Variants in IER3IP1 observed in about 807,000 individuals in gnomAD.
IER3IP1 encodes immediate early response 3-interacting protein 1.
IER3IP1 carries 16 observed loss-of-function variants against 12.2 expected under a neutral mutation model. The ratio of observed to expected loss-of-function variants is 1.31; its 90% CI spans 0.89 to 1.99. IER3IP1 has a LOEUF of 1.99. Among genes scored for constraint, IER3IP1 ranks in the 30% most tolerant of loss-of-function variants. IER3IP1 has a pLI of 0.00. For synonymous variants in IER3IP1, 42 were observed against 40.0 expected (o/e 1.05, Z -0.19); for missense variants, 95 against 95.8 (o/e 0.99, Z 0.03).
At chr18:47,169,095 A>G (rs894696931) in intron 1 of IER3IP1, among the ~76,000 whole-genome samples, 1 of 152,218 alleles carries the variant, frequency 6.6e-6, no homozygotes, top group African/African-American at 2.4e-5. Context: ...GCCCTCCAGC[A>G]CCAAGCAACC....
chr18:47,165,660 T>C (rs1057211078), intron 1 of IER3IP1, among the ~76,000 whole-genome samples: 1 of 152,258 alleles, frequency 6.6e-6, no homozygotes, highest in African/African-American at 2.4e-5. Flanking sequence ...ACAAAAGCTT[T>C]TTAAAATTCA....
At chr18:47,161,604 CCCT>C (rs1477731558) in intron 1 of IER3IP1, among the ~76,000 whole-genome samples, 1 of 152,110 alleles carries the variant, frequency 6.6e-6, no homozygotes, top group Non-Finnish European at 1.5e-5. Flanking sequence ...TCCTACCACA[CCCT>C]TCCAAGTATT....
intron 1 of IER3IP1, among the ~76,000 whole-genome samples, chr18:47,170,623 T>C (rs1347432479): frequency 6.6e-6 from 1 of 152,134 alleles, no homozygotes; most frequent in African/African-American, 2.4e-5. Context: ...GTTAAATTTA[T>C]TCCTAAGTAT....
Position 47,155,920 on chromosome 18 carries a change from C to G in IER3IP1, c.*257G>C, listed in dbSNP as rs2063957082. 2.7e-6 allele frequency: 1 copy of G among 372,590 alleles called. No individual in the cohort carries two copies. Among genetic ancestry groups the G allele is most frequent in the Admixed American group, 4.4e-5 (1 of 22,750 alleles). The allele number at this position is 372,590 out of a possible 1,614,324, so 23.1% of individuals were successfully genotyped here. A position where few individuals can be genotyped will look rare whatever the true frequency, so the allele number is the denominator to read the frequency against. On this transcript the variant is annotated 3_prime_UTR_variant, in exon 3 of 3. Coordinates refer to ENST00000256433, the MANE Select transcript of IER3IP1 (RefSeq NM_016097.5). ...TTTAACAATCTCACCACAGCATGAA[C>G]TACTATTAACACTGAGCAATCAGAT... is the stretch of plus-strand genomic sequence containing the variant.
chr18:47,159,188 G>T (rs1342279799), intron 1 of IER3IP1, among the ~76,000 whole-genome samples: 4 of 152,126 alleles, frequency 2.6e-5, no homozygotes, highest in African/African-American at 9.7e-5. Flanking sequence ...TTATCACTAT[G>T]GTTAGTAAGT....
At chr18:47,174,668 CAAA>C (rs1293825170) in intron 1 of IER3IP1, among the ~76,000 whole-genome samples, 1 of 128,634 alleles carries the variant, frequency 7.8e-6, no homozygotes, top group Admixed American at 7.9e-5. Context: ...GACTCCGTCT[CAAA>C]AAAAAAAAAA....
At chr18:47,158,698 C>A (rs981274275) in intron 1 of IER3IP1, among the ~76,000 whole-genome samples, 1 of 151,904 alleles carries the variant, frequency 6.6e-6, no homozygotes, top group African/African-American at 2.4e-5. Context: ...TGGTGACTCA[C>A]GCCTATAATT....
chr18:47,167,243 G>A lies in IER3IP1; in HGVS notation c.91+8944C>T, dbSNP rs111590891. Among the ~76,000 whole-genome samples, 959 of 152,176 alleles carry A rather than the reference G, an allele frequency of 6.3e-3. 12 individuals carry two copies. Among genetic ancestry groups the A allele is most frequent in the African/African-American group, 0.022 (927 of 41,502 alleles). ...ATTTTTGTACTTGAGGAGAGACAGGGTTTCACCATGTTGGCCAGGCTGGTC... is the reference window on the plus strand; with the variant it reads ...ATTTTTGTACTTGAGGAGAGACAGGATTTCACCATGTTGGCCAGGCTGGTC... On this transcript the variant is annotated intron_variant, in intron 1 of 2. Transcript: ENST00000256433.
At chr18:47,167,384 A>T (rs1426541785) in intron 1 of IER3IP1, among the ~76,000 whole-genome samples, 2 of 152,192 alleles carry the variant, frequency 1.3e-5, no homozygotes. Flanking sequence ...TAAGGGCACA[A>T]ATCTCAATCA....
chr18:47,156,085 A>G lies in IER3IP1; in HGVS notation c.*92T>C. Reference sequence around the variant, plus strand: ...TTACATTTTTGACAAGTGCAAGGTCAGCCAGCTAAGATATAAATATTCCAA... The same window carrying G: ...TTACATTTTTGACAAGTGCAAGGTCGGCCAGCTAAGATATAAATATTCCAA... On this transcript the variant is annotated 3_prime_UTR_variant, in exon 3 of 3. Coordinates refer to ENST00000256433, the MANE Select transcript of IER3IP1 (RefSeq NM_016097.5). 1.2e-6 allele frequency: 1 copy of G among 829,882 alleles called. No homozygotes were observed. The highest frequency in any genetic ancestry group is 1.5e-5 in the South Asian group (1 of 68,818). The allele number at this position is 829,882 out of a possible 1,614,324, so 51.4% of individuals were successfully genotyped here.
rs1318656044 is a variant in IER3IP1 at position 47,153,415 on chromosome 18, CTTTT to C, written c.*2758_*2761del. 5 of 137,836 alleles carry C rather than the reference CTTTT, an allele frequency of 3.6e-5. No homozygotes were observed. Among genetic ancestry groups the C allele is most frequent in the Non-Finnish European group, 7.9e-5 (5 of 63,452 alleles). 8.5% of individuals were successfully genotyped at this position (137,836 alleles called of 1,614,324 possible). A position where few individuals can be genotyped will look rare whatever the true frequency, so the allele number is the denominator to read the frequency against. ...GGGATTTTATTTTTTTATATTTTTA[CTTTT>C]TTAACTTTTAGGGGTACAGTACATT... On this transcript the variant is annotated 3_prime_UTR_variant, in exon 3 of 3. Coordinates refer to ENST00000256433, the MANE Select transcript of IER3IP1 (RefSeq NM_016097.5).
Position 47,157,091 on chromosome 18 carries a change from T to C in IER3IP1, c.193+345A>G, listed in dbSNP as rs182336970. On this transcript the variant is annotated intron_variant, in intron 2 of 2. Coordinates refer to ENST00000256433, the MANE Select transcript of IER3IP1 (RefSeq NM_016097.5). ...ACAGGAGTAAACCAACACGCCCAGCTTTCTCTTGGAAACCTCCCAATACTG... is the reference window on the plus strand; with the variant it reads ...ACAGGAGTAAACCAACACGCCCAGCCTTCTCTTGGAAACCTCCCAATACTG... 8.1e-5 allele frequency: 19 copies of C among 234,946 alleles called. No homozygotes were observed. In the East Asian group the frequency reaches 2.0e-3, roughly 25 times the overall value. 14.6% of individuals were successfully genotyped at this position (234,946 alleles called of 1,614,324 possible).
intron 1 of IER3IP1, among the ~76,000 whole-genome samples, chr18:47,159,943 C>T (rs2063974549): frequency 6.6e-6 from 1 of 152,114 alleles, no homozygotes. Flanking sequence ...CACCTATAAT[C>T]CCAGCACTTT....
rs1470721190 is a variant in IER3IP1 at position 47,155,323 on chromosome 18, T to A, written c.*854A>T. 1 of 152,044 alleles carries A rather than the reference T, an allele frequency of 6.6e-6. No homozygotes were observed. The highest frequency in any genetic ancestry group is 1.5e-5 in the Non-Finnish European group (1 of 67,992). The allele number at this position is 152,044 out of a possible 1,614,324, so 9.4% of individuals were successfully genotyped here. On this transcript the variant is annotated 3_prime_UTR_variant, in exon 3 of 3. Coordinates refer to ENST00000256433, the MANE Select transcript of IER3IP1 (RefSeq NM_016097.5). ...GTGCTGCTCCACCAAGAAATAGAAA[T>A]GTAATGATTTTTTGAAAGGTAAATG...
At position 47,167,288 on chromosome 18, in the gene IER3IP1, T is replaced by C. The variant is rs191971901; in HGVS notation, c.91+8899A>G. On this transcript the variant is annotated intron_variant, in intron 1 of 2. Coordinates refer to ENST00000256433, the MANE Select transcript of IER3IP1 (RefSeq NM_016097.5). ...CTGGTCTCGAACTCCTGACCTCAGA[T>C]GATCTGCCCGCCTCAGCCTCCCAAA... 3.3e-5 allele frequency among the ~76,000 whole-genome samples: 5 copies of C among 152,234 alleles called. No homozygotes were observed. In the East Asian group the frequency reaches 7.7e-4, roughly 24 times the overall value.
chr18:47,155,118 T>C lies in IER3IP1; in HGVS notation c.*1059A>G, dbSNP rs2063953622. ...GCCATTCTACACCTTTAAAATATTGTAACTGATAATTTCCATAAAAACCAT... is the reference window on the plus strand; with the variant it reads ...GCCATTCTACACCTTTAAAATATTGCAACTGATAATTTCCATAAAAACCAT... On this transcript the variant is annotated 3_prime_UTR_variant, in exon 3 of 3. Coordinates refer to ENST00000256433, the MANE Select transcript of IER3IP1 (RefSeq NM_016097.5). The C allele has an allele frequency of 6.6e-6, 1 of 152,234 alleles. No homozygotes were observed. The highest frequency in any genetic ancestry group is 2.1e-4 in the South Asian group (1 of 4,834). The allele number at this position is 152,234 out of a possible 1,614,324, so 9.4% of individuals were successfully genotyped here.
intron 1 of IER3IP1, among the ~76,000 whole-genome samples, chr18:47,170,833 C>G (rs920035073): frequency 1.3e-5 from 2 of 152,092 alleles, no homozygotes; most frequent in South Asian, 4.1e-4. Flanking sequence ...TCTATAAACA[C>G]AGTTTTATTT....
At position 47,153,668 on chromosome 18, in the gene IER3IP1, G is replaced by A. The variant is rs1249131972; in HGVS notation, c.*2509C>T. 2 of 152,070 alleles carry A rather than the reference G, an allele frequency of 1.3e-5. No homozygotes were observed. The highest frequency in any genetic ancestry group is 2.4e-5 in the African/African-American group (1 of 41,406). The allele number at this position is 152,070 out of a possible 1,614,324, so 9.4% of individuals were successfully genotyped here. A position where few individuals can be genotyped will look rare whatever the true frequency, so the allele number is the denominator to read the frequency against. ...TATTTGGTTTTCTGTTCCTACATTA[G>A]TTTGTTAAGGATGATGGCTTCCAGC... is the stretch of plus-strand genomic sequence containing the variant. On this transcript the variant is annotated 3_prime_UTR_variant, in exon 3 of 3. Transcript: ENST00000256433.
chr18:47,157,180 G>C (rs2063963454), intron 2 of IER3IP1: 1 of 469,220 alleles, frequency 2.1e-6, no homozygotes, highest in Non-Finnish European at 3.8e-6. Context: ...TTGTCTTTTA[G>C]CTCTGACAGG....
Sources: gnomAD v4.1 joint callset for allele counts (sites outside exome capture counted in the v4.1 genomes callset) on GRCh38, gnomAD v4.1.1 for gene constraint, MANE v1.5 for transcripts, NCBI Gene and HGNC (gene_info 2026-07-23, HGNC 2026-07-21) for gene names.